The following EYA4 variants were observed in gnomAD, a reference collection of about 807,000 sequenced individuals.
The protein encoded by EYA4 is protein phosphatase EYA4.
EYA4 carries 31 observed loss-of-function variants against 87.9 expected under a neutral mutation model. The ratio of observed to expected loss-of-function variants is 0.35; its 90% CI spans 0.27 to 0.48. The LOEUF is 0.48. EYA4 is among the 20% of genes least tolerant of loss of function. The probability of loss-of-function intolerance (pLI) is 0.99; values close to 1 mark genes in which losing one functional copy is unlikely to be tolerated. For synonymous variants in EYA4, 263 were observed against 270.6 expected (o/e 0.97, Z 0.28); for missense variants, 678 against 761.4 (o/e 0.89, Z 1.29).
chr6:133,447,116 C>A (rs1433363376), intron 4 of EYA4, among the ~76,000 whole-genome samples: 1 of 152,066 alleles, frequency 6.6e-6, no homozygotes, highest in South Asian at 2.1e-4. Context: ...TACACACTTA[C>A]TACTTTTTGG....
intron 11 of EYA4, among the ~76,000 whole-genome samples, chr6:133,477,389 C>T (rs1265881934): frequency 6.6e-6 from 1 of 152,048 alleles, no homozygotes; most frequent in African/African-American, 2.4e-5. Flanking sequence ...ATTTTTCATA[C>T]ACCTGTTGTC....
At chr6:133,299,896 T>C (rs560640208) in intron 2 of EYA4, among the ~76,000 whole-genome samples, 2 of 148,958 alleles carry the variant, frequency 1.3e-5, no homozygotes, top group South Asian at 4.3e-4. Flanking sequence ...CACACACTTA[T>C]ATACATATAC....
chr6:133,523,522 A>G (rs1800366030), intron 18 of EYA4, among the ~76,000 whole-genome samples: 1 of 152,306 alleles, frequency 6.6e-6, no homozygotes, highest in Non-Finnish European at 1.5e-5. Flanking sequence ...ATCTAGATCC[A>G]AGATAAAAAT....
chr6:133,307,226 G>C (rs1308881738), intron 2 of EYA4, among the ~76,000 whole-genome samples: 1 of 152,174 alleles, frequency 6.6e-6, no homozygotes, highest in African/African-American at 2.4e-5. Context: ...TTAGCTCCCT[G>C]AGGTTTTGAG....
intron 3 of EYA4, among the ~76,000 whole-genome samples, chr6:133,393,802 T>G (rs1787513433): frequency 1.3e-5 from 2 of 152,230 alleles, no homozygotes; most frequent in South Asian, 4.1e-4. Flanking sequence ...CACCTCTCTC[T>G]GCCACACCAC....
At chr6:133,475,666 C>T (rs1450444049) in intron 11 of EYA4, among the ~76,000 whole-genome samples, 1 of 152,124 alleles carries the variant, frequency 6.6e-6, no homozygotes, top group Non-Finnish European at 1.5e-5. Flanking sequence ...TGCCAATTTA[C>T]ATTTTCCCTA....
intron 2 of EYA4, among the ~76,000 whole-genome samples, chr6:133,294,104 T>G (rs1401708636): frequency 7.2e-6 from 1 of 138,840 alleles, no homozygotes; most frequent in Non-Finnish European, 1.5e-5. Flanking sequence ...GATATATATT[T>G]TAAAAAACTG....
chr6:133,365,604 A>C (rs531040289), intron 2 of EYA4, among the ~76,000 whole-genome samples: 7 of 152,116 alleles, frequency 4.6e-5, no homozygotes, highest in Non-Finnish European at 8.8e-5. Context: ...AGAAGGAGGA[A>C]GGGAAAGCCT....
chr6:133,398,035 A>G (rs1055839223), intron 3 of EYA4, among the ~76,000 whole-genome samples: 13 of 152,070 alleles, frequency 8.5e-5, no homozygotes, highest in African/African-American at 3.1e-4. Flanking sequence ...ATGGCCATAC[A>G]TTGTGAATCC....
intron 2 of EYA4, among the ~76,000 whole-genome samples, chr6:133,375,567 T>G (rs569163812): frequency 2.6e-5 from 4 of 151,986 alleles, no homozygotes; most frequent in African/African-American, 9.6e-5. Flanking sequence ...TCATATGTAT[T>G]AAATGCTGCT....
chr6:133,444,679 G>A (rs1792631941), intron 3 of EYA4, among the ~76,000 whole-genome samples: 1 of 152,198 alleles, frequency 6.6e-6, no homozygotes, highest in African/African-American at 2.4e-5. Flanking sequence ...CCCTCAGAAA[G>A]AGTGTGCTCT....
intron 2 of EYA4, among the ~76,000 whole-genome samples, chr6:133,290,588 A>G (rs1187585757): frequency 2.6e-5 from 4 of 152,160 alleles, no homozygotes; most frequent in African/African-American, 9.7e-5. Flanking sequence ...GAGATTCTAA[A>G]TAGAGCACAC....
intron 2 of EYA4, among the ~76,000 whole-genome samples, chr6:133,279,222 C>G (rs1777427067): frequency 6.6e-6 from 1 of 152,016 alleles, no homozygotes; most frequent in Non-Finnish European, 1.5e-5. Flanking sequence ...GTAAAACATT[C>G]GTGAATATTA....
rs555527394 is a variant in EYA4 at position 133,261,125 on chromosome 6, TCCACC to T, written c.-65-13587_-65-13583del. 7.9e-3 allele frequency among the ~76,000 whole-genome samples: 1,199 copies of T among 152,298 alleles called. 12 individuals carry two copies. Among genetic ancestry groups the T allele is most frequent in the Non-Finnish European group, 0.013 (913 of 68,008 alleles). ...TCATATCCACTTCTCCAGGCCTTTTTCCACCCCATGTCAGTCTAGATTCTCTTGGC... is the reference window on the plus strand; with the variant it reads ...TCATATCCACTTCTCCAGGCCTTTTTCCATGTCAGTCTAGATTCTCTTGGC... On this transcript the variant is annotated intron_variant, in intron 1 of 19. Coordinates refer to ENST00000355286, the MANE Select transcript of EYA4 (RefSeq NM_004100.5).
intron 2 of EYA4, among the ~76,000 whole-genome samples, chr6:133,316,802 G>C (rs12525309): frequency 0.44 from 66,986 of 152,026 alleles, 15,414 homozygotes; most frequent in Non-Finnish European, 0.53. Flanking sequence ...AGGTACGTGT[G>C]AGCTGGAGCT....
In EYA4 at chr6:133,249,622, T is replaced by G. The variant is rs144893355; in HGVS notation, c.-66+7873T>G. ...CCAGCTGTATGGAAAACTGCAGTTCTCAAATACACCTTGGACATTTCCACT... is the reference window on the plus strand; with the variant it reads ...CCAGCTGTATGGAAAACTGCAGTTCGCAAATACACCTTGGACATTTCCACT... On this transcript the variant is annotated intron_variant, in intron 1 of 19. Transcript: ENST00000355286. 7.0e-3 allele frequency among the ~76,000 whole-genome samples: 1,059 copies of G among 152,342 alleles called. 12 individuals carry two copies. Among genetic ancestry groups the G allele is most frequent in the African/African-American group, 0.024 (1,015 of 41,570 alleles).
intron 3 of EYA4, among the ~76,000 whole-genome samples, chr6:133,420,615 A>G (rs1790137322): frequency 6.6e-6 from 1 of 152,224 alleles, no homozygotes; most frequent in Admixed American, 6.5e-5. Flanking sequence ...TCTTGAATTT[A>G]CCTTTGCTTA....
intron 2 of EYA4, among the ~76,000 whole-genome samples, chr6:133,339,660 G>A (rs1782638630): frequency 6.6e-6 from 1 of 152,150 alleles, no homozygotes; most frequent in Non-Finnish European, 1.5e-5. Flanking sequence ...AAGGGCCTGT[G>A]GTAAGTGGTC....
chr6:133,449,762 C>G (rs1419569670), intron 5 of EYA4, among the ~76,000 whole-genome samples: 2 of 152,152 alleles, frequency 1.3e-5, no homozygotes, highest in East Asian at 1.9e-4. Context: ...AGTATGTCTT[C>G]CTTTCTTTAA....
Sources: gnomAD v4.1 joint callset for allele counts (sites outside exome capture counted in the v4.1 genomes callset) on GRCh38, gnomAD v4.1.1 for gene constraint, MANE v1.5 for transcripts, NCBI Gene and HGNC (gene_info 2026-07-23, HGNC 2026-07-21) for gene names.